The following UNC13B variants were observed in gnomAD, a reference collection of about 807,000 sequenced individuals.
UNC13B encodes unc-13 homolog B, also known as protein unc-13 homolog B.
In UNC13B, 144 loss-of-function variants were observed where a neutral mutation model predicts 211.0. That is an observed-to-expected ratio of 0.68 (90% confidence interval 0.60 to 0.78). UNC13B has a LOEUF of 0.78. UNC13B is among the 30% of genes least tolerant of loss of function. UNC13B has a pLI of 0.00. For synonymous variants in UNC13B, 709 were observed against 725.8 expected (o/e 0.98, Z 0.37); for missense variants, 1,777 against 2,002.0 (o/e 0.89, Z 2.14).
chr9:35,182,946 C>T (rs529811708), intron 1 of UNC13B, among the ~76,000 whole-genome samples: 12 of 152,120 alleles, frequency 7.9e-5, no homozygotes, highest in African/African-American at 9.7e-5. Context: ...TCGACAAAAC[C>T]GCCATCGTCA....
At chr9:35,290,618 A>C (rs972847000) in intron 7 of UNC13B, among the ~76,000 whole-genome samples, 3 of 151,544 alleles carry the variant, frequency 2.0e-5, no homozygotes, top group Admixed American at 2.0e-4. Context: ...ATCAGGGCTT[A>C]GCTTCTCATA....
chr9:35,184,799 AGCGGGG>A (rs751049332), intron 1 of UNC13B, among the ~76,000 whole-genome samples: 3 of 2,834 alleles, frequency 1.1e-3, no homozygotes, highest in East Asian at 0.034. Context: ...AAGAGAAAGA[AGCGGGG>A]GGGGGGGGGG....
chr9:35,174,239 C>T (rs955817254), intron 1 of UNC13B, among the ~76,000 whole-genome samples: 9 of 151,088 alleles, frequency 6.0e-5, no homozygotes, highest in African/African-American at 2.2e-4. Context: ...CTCACTGCAG[C>T]CTCAACTTCC....
intron 11 of UNC13B, among the ~76,000 whole-genome samples, chr9:35,336,671 T>C (rs1389599274): frequency 7.2e-5 from 11 of 152,042 alleles, no homozygotes; most frequent in Non-Finnish European, 1.6e-4. Flanking sequence ...CCTGTGGGCC[T>C]CTTTTATAAA....
intron 31 of UNC13B, 98 bp from the exon 32 acceptor site, chr9:35,398,456 G>A: frequency 7.2e-7 from 1 of 1,390,294 alleles, no homozygotes; most frequent in Admixed American, 1.7e-5. Context: ...GGGAGGAATA[G>A]GCACTGGGGT....
At chr9:35,355,152 A>T (rs77571833) in intron 11 of UNC13B, among the ~76,000 whole-genome samples, 1 of 152,214 alleles carries the variant, frequency 6.6e-6, no homozygotes, top group Non-Finnish European at 1.5e-5. Context: ...AGTGCAGAGC[A>T]GTATGTATAA....
intron 5 of UNC13B, among the ~76,000 whole-genome samples, chr9:35,242,577 A>G (rs559732336): frequency 7.7e-4 from 117 of 152,264 alleles, no homozygotes; most frequent in Middle Eastern, 3.4e-3. Context: ...ATTTAGTGTA[A>G]TGTCCTCAAA....
intron 1 of UNC13B, among the ~76,000 whole-genome samples, chr9:35,182,962 G>T (rs1471161157): frequency 5.3e-5 from 8 of 152,056 alleles, no homozygotes; most frequent in Non-Finnish European, 7.4e-5. Flanking sequence ...CGTCATCATG[G>T]CCCGTTCTTG....
intron 7 of UNC13B, among the ~76,000 whole-genome samples, chr9:35,276,303 C>T (rs1828170505): frequency 8.8e-6 from 1 of 113,788 alleles, no homozygotes; most frequent in South Asian, 2.9e-4. Flanking sequence ...GAGAGCCTGT[C>T]TCAAAAAAAA....
chr9:35,208,470 G>A (rs964258913), intron 1 of UNC13B, among the ~76,000 whole-genome samples: 1 of 152,182 alleles, frequency 6.6e-6, no homozygotes, highest in Non-Finnish European at 1.5e-5. Flanking sequence ...AATTTATAAA[G>A]AAGAGGTTTA....
chr9:35,329,842 A>G (rs1831267277), intron 11 of UNC13B, among the ~76,000 whole-genome samples: 1 of 152,090 alleles, frequency 6.6e-6, no homozygotes, highest in South Asian at 2.1e-4. Flanking sequence ...GCCCTAGAAA[A>G]CTAATATACC....
At chr9:35,214,817 T>C (rs548449216) in intron 1 of UNC13B, among the ~76,000 whole-genome samples, 1 of 152,332 alleles carries the variant, frequency 6.6e-6, no homozygotes, top group South Asian at 2.1e-4. Context: ...GAAATTACTA[T>C]CTAGAATTTT....
intron 11 of UNC13B, among the ~76,000 whole-genome samples, chr9:35,329,504 T>TC (rs1831246279): frequency 6.6e-6 from 1 of 151,830 alleles, no homozygotes; most frequent in African/African-American, 2.4e-5. Context: ...TTTTTTTTTT[T>TC]TGAGATAGGG....
chr9:35,361,112 A>G (rs559463532), intron 11 of UNC13B: 40 of 152,320 alleles, frequency 2.6e-4, no homozygotes, highest in African/African-American at 9.6e-4. Flanking sequence ...TTGACTCTCA[A>G]TAATGGAGTT....
chr9:35,322,091 A>C (rs1399129674), intron 11 of UNC13B, among the ~76,000 whole-genome samples: 2 of 152,228 alleles, frequency 1.3e-5, no homozygotes, highest in African/African-American at 4.8e-5. Flanking sequence ...AGTTACACTT[A>C]TGCTATTCCT....
chr9:35,378,969 TCA>T (rs1450816746), intron 17 of UNC13B, among the ~76,000 whole-genome samples: 1 of 152,216 alleles, frequency 6.6e-6, no homozygotes, highest in Non-Finnish European at 1.5e-5. Context: ...TTTTATTATC[TCA>T]CTTTCTTACA....
At chr9:35,400,843 AG>A (rs1009006421) in intron 37 of UNC13B, among the ~76,000 whole-genome samples, 3 of 152,146 alleles carry the variant, frequency 2.0e-5, no homozygotes, top group African/African-American at 7.2e-5. Context: ...TGGGGAGAGA[AG>A]GCAAAAGACT....
chr9:35,187,632 C>T (rs1822432071), intron 1 of UNC13B, among the ~76,000 whole-genome samples: 1 of 152,142 alleles, frequency 6.6e-6, no homozygotes, highest in Non-Finnish European at 1.5e-5. Flanking sequence ...CTACATAGGC[C>T]TTTTGAATTG....
intron 1 of UNC13B, among the ~76,000 whole-genome samples, chr9:35,213,211 T>A (rs985376617): frequency 7.2e-5 from 11 of 152,226 alleles, no homozygotes; most frequent in African/African-American, 2.7e-4. Context: ...TATTTGTAGA[T>A]GAGGCCTTTT....
Sources: allele counts gnomAD v4.1 joint callset (sites outside exome capture counted in the v4.1 genomes callset), GRCh38; gene constraint gnomAD v4.1.1; transcripts MANE v1.5; gene names NCBI Gene and HGNC (gene_info 2026-07-23, HGNC 2026-07-21).